The following SGCZ variants were observed in gnomAD, a reference collection of about 807,000 sequenced individuals.
SGCZ encodes sarcoglycan zeta.
A neutral mutation model predicts 41.3 loss-of-function variants in SGCZ; 40 were observed. The observed-to-expected ratio is 0.97, with a 90% CI of 0.75 to 1.26. SGCZ has a LOEUF of 1.26. Ranked by LOEUF, SGCZ falls within the 50% of genes most tolerant of loss-of-function variation. The pLI is 0.00. For missense variants in SGCZ, 552 were observed against 369.8 expected (o/e 1.49, Z -4.04); for synonymous variants, 206 against 137.5 (o/e 1.50, Z -3.49).
intron 1 of SGCZ, among the ~76,000 whole-genome samples, chr8:14,717,596 G>A (rs7822179): frequency 0.37 from 56,204 of 151,846 alleles, 12,415 homozygotes; most frequent in African/African-American, 0.61. Context: ...CAAACTGTAC[G>A]GAGCATAAAG....
intron 1 of SGCZ, among the ~76,000 whole-genome samples, chr8:14,652,408 T>A (rs1807435938): frequency 6.6e-6 from 1 of 151,450 alleles, no homozygotes; most frequent in Admixed American, 6.6e-5. Context: ...ATAATAATAT[T>A]TGAACAATTC....
chr8:14,677,779 AATAC>A (rs1364298248), intron 1 of SGCZ, among the ~76,000 whole-genome samples: 1 of 151,574 alleles, frequency 6.6e-6, no homozygotes, highest in Non-Finnish European at 1.5e-5. Flanking sequence ...TAAATAAATA[AATAC>A]ATAAATAAAT....
At chr8:15,083,307 G>T (rs1315917531) in intron 1 of SGCZ, among the ~76,000 whole-genome samples, 1 of 152,088 alleles carries the variant, frequency 6.6e-6, no homozygotes. Context: ...TGTAGAAATA[G>T]CATATAAACA....
At chr8:14,867,824 G>A (rs76280927) in intron 1 of SGCZ, among the ~76,000 whole-genome samples, 3,555 of 151,530 alleles carry the variant, frequency 0.023, 50 homozygotes, top group Middle Eastern at 0.048. Context: ...ACCAGGCTTA[G>A]TACCTGGGTG....
At chr8:14,553,510 TG>T (rs147654480) in intron 2 of SGCZ, among the ~76,000 whole-genome samples, 2,788 of 152,144 alleles carry the variant, frequency 0.018, 82 homozygotes, top group African/African-American at 0.061. Context: ...TATAATTTAT[TG>T]GAAAAAAAAT....
chr8:14,844,572 G>A (rs989867328), intron 1 of SGCZ, among the ~76,000 whole-genome samples: 3 of 152,134 alleles, frequency 2.0e-5, no homozygotes, highest in Admixed American at 6.6e-5. Flanking sequence ...TCATCCAGCT[G>A]ACATGAAACA....
chr8:14,436,300 C>G (rs1211929281), intron 2 of SGCZ, among the ~76,000 whole-genome samples: 1 of 152,078 alleles, frequency 6.6e-6, no homozygotes, highest in Non-Finnish European at 1.5e-5. Flanking sequence ...TCTGTAAGAG[C>G]GAAGAATAAT....
chr8:14,898,034 G>T (rs1022197083), intron 1 of SGCZ, among the ~76,000 whole-genome samples: 2 of 151,984 alleles, frequency 1.3e-5, no homozygotes, highest in Non-Finnish European at 2.9e-5. Context: ...TTCACGAACA[G>T]ATGTGTTTAG....
intron 2 of SGCZ, among the ~76,000 whole-genome samples, chr8:14,391,368 T>C (rs1030228912): frequency 6.6e-6 from 1 of 151,976 alleles, no homozygotes; most frequent in African/African-American, 2.4e-5. Context: ...AAAGAAAAAA[T>C]TCATGCATAA....
At position 14,583,306 on chromosome 8, in the gene SGCZ, T is replaced by C. The variant is rs548380087; in HGVS notation, c.40-28380A>G. ...GTGTTTTTTGGCTGCATAAATGTCT[T>C]CTTTTGAGAAGTGTCTGTTCATGTC... On this transcript the variant is annotated intron_variant, in intron 1 of 7. Transcript: ENST00000382080. Among the ~76,000 whole-genome samples the C allele has an allele frequency of 3.4e-3, 522 of 152,238 alleles. 2 individuals carry two copies. The highest frequency in any genetic ancestry group is 6.8e-3 in the Middle Eastern group (2 of 294).
At chr8:14,459,584 G>A (rs898474510) in intron 2 of SGCZ, among the ~76,000 whole-genome samples, 9 of 152,086 alleles carry the variant, frequency 5.9e-5, no homozygotes, top group African/African-American at 1.9e-4. Context: ...TGAGTAGTCT[G>A]AAAGTATCTA....
chr8:14,727,227 T>G (rs1406278455), intron 1 of SGCZ, among the ~76,000 whole-genome samples: 1 of 152,098 alleles, frequency 6.6e-6, no homozygotes, highest in Non-Finnish European at 1.5e-5. Context: ...AAAAGAATGC[T>G]CAACATCTTT....
chr8:14,767,509 T>C (rs895408786), intron 1 of SGCZ, among the ~76,000 whole-genome samples: 1 of 152,198 alleles, frequency 6.6e-6, no homozygotes, highest in Non-Finnish European at 1.5e-5. Context: ...ATTTAACCAG[T>C]AAGACCAAGG....
chr8:14,277,991 G>A (rs1800295106), intron 3 of SGCZ, among the ~76,000 whole-genome samples: 1 of 152,062 alleles, frequency 6.6e-6, no homozygotes. Flanking sequence ...CTCTTCTGAG[G>A]GCAGCACGAA....
At chr8:14,433,211 C>CA (rs1405926477) in intron 2 of SGCZ, among the ~76,000 whole-genome samples, 3 of 152,020 alleles carry the variant, frequency 2.0e-5, no homozygotes, top group African/African-American at 7.2e-5. Flanking sequence ...TAAGCAACTG[C>CA]AAAAAAGTTG....
At chr8:14,209,389 G>A (rs1283615257) in intron 4 of SGCZ, among the ~76,000 whole-genome samples, 1 of 151,820 alleles carries the variant, frequency 6.6e-6, no homozygotes, top group East Asian at 1.9e-4. Context: ...CTCCTTGTGT[G>A]TGTTTTCCTG....
intron 4 of SGCZ, among the ~76,000 whole-genome samples, chr8:14,229,067 A>C (rs1806471911): frequency 6.6e-6 from 1 of 152,150 alleles, no homozygotes; most frequent in South Asian, 2.1e-4. Context: ...GCAAAGGTTG[A>C]AGATGACCAG....
intron 1 of SGCZ, among the ~76,000 whole-genome samples, chr8:14,741,964 C>T (rs945021570): frequency 2.0e-5 from 3 of 151,872 alleles, no homozygotes; most frequent in Non-Finnish European, 4.4e-5. Context: ...TTAATATTCC[C>T]GTCTGTTTAG....
At chr8:14,374,025 G>C (rs1804012774) in intron 2 of SGCZ, among the ~76,000 whole-genome samples, 1 of 152,056 alleles carries the variant, frequency 6.6e-6, no homozygotes, top group East Asian at 1.9e-4. Context: ...TTTTAAAAAA[G>C]AAAATTGATG....
Sources: allele counts gnomAD v4.1 joint callset (sites outside exome capture counted in the v4.1 genomes callset), GRCh38; gene constraint gnomAD v4.1.1; transcripts MANE v1.5; gene names NCBI Gene and HGNC (gene_info 2026-07-23, HGNC 2026-07-21).